DLG2: variants seen among roughly 807,000 people sequenced by gnomAD.
DLG2 encodes the protein discs large MAGUK scaffold protein 2.
DLG2 carries 45 observed loss-of-function variants against 132.5 expected under a neutral mutation model. The observed-to-expected ratio is 0.34, with a 90% CI of 0.27 to 0.44. The LOEUF (loss-of-function observed/expected upper bound fraction) is 0.44. Ranked by LOEUF, DLG2 falls within the 20% of genes least tolerant of loss-of-function variation. The probability of loss-of-function intolerance (pLI) is 1.00; values close to 1 mark genes in which losing one functional copy is unlikely to be tolerated. For synonymous variants in DLG2, 424 were observed against 419.6 expected (o/e 1.01, Z -0.13); for missense variants, 1,045 against 1,196.9 (o/e 0.87, Z 1.87).
chr11:85,584,339 G>GGTGTGTGT (rs61334060), intron 3 of DLG2, among the ~76,000 whole-genome samples: 17 of 144,970 alleles, frequency 1.2e-4, no homozygotes, highest in Non-Finnish European at 2.1e-4. Context: ...AGTATTCCAT[G>GGTGTGTGT]GTGTGTGTGT....
intron 16 of DLG2, among the ~76,000 whole-genome samples, chr11:83,864,890 A>T (rs2062034735): frequency 6.6e-6 from 1 of 152,252 alleles, no homozygotes; most frequent in Admixed American, 6.5e-5. Context: ...AGGCTGACAA[A>T]TGATACCTGA....
At chr11:84,242,345 G>GT (rs950882818) in intron 8 of DLG2, among the ~76,000 whole-genome samples, 22 of 150,876 alleles carry the variant, frequency 1.5e-4, no homozygotes, top group Admixed American at 2.0e-4. Context: ...TCTTCTGTTG[G>GT]TTTTTTTTTG....
At chr11:83,478,800 C>A (rs2092838513) in intron 22 of DLG2, among the ~76,000 whole-genome samples, 1 of 151,974 alleles carries the variant, frequency 6.6e-6, no homozygotes, top group Non-Finnish European at 1.5e-5. Flanking sequence ...AAACTAGTGT[C>A]ATTGGTCTTC....
At chr11:84,309,564 C>T (rs1253012439) in intron 7 of DLG2, among the ~76,000 whole-genome samples, 1 of 152,184 alleles carries the variant, frequency 6.6e-6, no homozygotes, top group Admixed American at 6.5e-5. Flanking sequence ...TACTAAGATT[C>T]CATACAGTTC....
At chr11:84,130,625 T>G (rs2094384859) in intron 9 of DLG2, among the ~76,000 whole-genome samples, 1 of 151,618 alleles carries the variant, frequency 6.6e-6, no homozygotes, top group African/African-American at 2.4e-5. Flanking sequence ...ATGATCGTTC[T>G]TAAGCAGCTA....
intron 7 of DLG2, among the ~76,000 whole-genome samples, chr11:84,389,419 G>C (rs1312258059): frequency 6.6e-6 from 1 of 151,944 alleles, no homozygotes; most frequent in Non-Finnish European, 1.5e-5. Context: ...AGATATTTTT[G>C]TACCTGTAAT....
chr11:85,465,249 C>A (rs1258036295), intron 3 of DLG2, among the ~76,000 whole-genome samples: 2 of 150,988 alleles, frequency 1.3e-5, no homozygotes, highest in East Asian at 3.9e-4. Flanking sequence ...CTCAAGCAAA[C>A]TTCCCACCTC....
At position 84,923,538 on chromosome 11, in the gene DLG2, G is replaced by A. The variant is rs752987040; in HGVS notation, c.357+188123C>T. ...GTTACTTATATTTCTGGAGAGCCCCGGTGTTATCCTATTAAATACTTTACA... is the reference window on the plus strand; with the variant it reads ...GTTACTTATATTTCTGGAGAGCCCCAGTGTTATCCTATTAAATACTTTACA... On this transcript the variant is annotated intron_variant, in intron 6 of 27. Transcript: ENST00000376104. The A allele has an allele frequency of 4.1e-4, 421 of 1,021,924 alleles. 1 individual carries two copies. The highest frequency in any genetic ancestry group is 4.6e-4 in the Non-Finnish European group (390 of 851,192). 63.3% of individuals were successfully genotyped at this position (1,021,924 alleles called of 1,614,324 possible).
At chr11:85,027,255 A>G (rs1319085304) in intron 6 of DLG2, among the ~76,000 whole-genome samples, 1 of 143,886 alleles carries the variant, frequency 6.9e-6, no homozygotes, top group Admixed American at 7.4e-5. Flanking sequence ...AAATACACAT[A>G]TGATATACAC....
In DLG2 at chr11:83,965,357, T is replaced by A; in HGVS notation, c.1168A>T (p.Thr390Ser). The part of the protein sequence containing the change: ...KVGKPTTIYM[T>S]DPYGPPDITH... ...ATATCAGGTGGACCATAAGGATCAG[T>A]CATATAAATGGTAGTGGGTTTGCCA... is the stretch of plus-strand genomic sequence containing the variant. The change falls in exon 13 of 28, where the codon ACT becomes TCT. Residue 390 changes from threonine to serine, a missense_variant. By Grantham distance (58) the Thr-to-Ser change is moderately conservative. Coordinates refer to ENST00000376104, the MANE Select transcript of DLG2 (RefSeq NM_001142699.3). 2 of 1,612,162 alleles carry A rather than the reference T, an allele frequency of 1.2e-6. No individual in the cohort carries two copies. Among genetic ancestry groups the A allele is most frequent in the Non-Finnish European group, 1.7e-6 (2 of 1,178,772 alleles).
At chr11:84,185,200 C>G (rs12802237) in intron 8 of DLG2, among the ~76,000 whole-genome samples, 9,630 of 151,798 alleles carry the variant, frequency 0.063, 377 homozygotes, top group African/African-American at 0.098. Context: ...CTCCTATCCA[C>G]GAGCATGGAA....
intron 19 of DLG2, among the ~76,000 whole-genome samples, chr11:83,573,869 G>A (rs1252794474): frequency 1.3e-5 from 2 of 152,136 alleles, no homozygotes; most frequent in Non-Finnish European, 2.9e-5. Flanking sequence ...CTTCGAGGCA[G>A]TATAACACAT....
intron 6 of DLG2, among the ~76,000 whole-genome samples, chr11:85,017,445 T>C (rs2059669400): frequency 6.6e-6 from 1 of 152,044 alleles, no homozygotes. Flanking sequence ...ATGATGACCT[T>C]CTCTCTGTCA....
At chr11:85,545,103 T>C (rs2076224185) in intron 3 of DLG2, among the ~76,000 whole-genome samples, 1 of 152,208 alleles carries the variant, frequency 6.6e-6, no homozygotes, top group African/African-American at 2.4e-5. Flanking sequence ...TTTTGCCCAT[T>C]CAGTATGATA....
chr11:84,975,318 T>A (rs2154116671), intron 6 of DLG2, among the ~76,000 whole-genome samples: 1 of 152,332 alleles, frequency 6.6e-6, no homozygotes, highest in Non-Finnish European at 1.5e-5. Flanking sequence ...GATGATGCTA[T>A]AAGTTCTAAG....
In DLG2 at chr11:84,869,428, T is replaced by C. The variant is rs150075362; in HGVS notation, c.357+242233A>G. 3.9e-3 allele frequency among the ~76,000 whole-genome samples: 595 copies of C among 152,326 alleles called. 3 individuals carry two copies. Among genetic ancestry groups the C allele is most frequent in the African/African-American group, 0.014 (583 of 41,558 alleles). ...GATGAGTTAAGATAGTTCTGTTTCA[T>C]GCCATTTTTTAAATTAGTGTGGCTC... On this transcript the variant is annotated intron_variant, in intron 6 of 27. Coordinates refer to ENST00000376104, the MANE Select transcript of DLG2 (RefSeq NM_001142699.3).
intron 6 of DLG2, among the ~76,000 whole-genome samples, chr11:84,753,565 T>TC (rs2066462634): frequency 6.6e-6 from 1 of 152,224 alleles, no homozygotes; most frequent in Non-Finnish European, 1.5e-5. Flanking sequence ...TGAAGAATTT[T>TC]ATTTTTATGT....
intron 14 of DLG2, among the ~76,000 whole-genome samples, chr11:83,958,211 G>C (rs1297607294): frequency 6.6e-6 from 1 of 152,198 alleles, no homozygotes; most frequent in Non-Finnish European, 1.5e-5. Flanking sequence ...GACATGGCTA[G>C]TAAGCTAGTG....
intron 18 of DLG2, among the ~76,000 whole-genome samples, chr11:83,785,509 C>G (rs1226507006): frequency 6.6e-6 from 1 of 152,240 alleles, no homozygotes; most frequent in African/African-American, 2.4e-5. Context: ...CTCTTTCCCA[C>G]TCTCTGGCCA....
Sources: allele counts gnomAD v4.1 joint callset (sites outside exome capture counted in the v4.1 genomes callset), GRCh38; gene constraint gnomAD v4.1.1; transcripts MANE v1.5; gene names NCBI Gene and HGNC (gene_info 2026-07-23, HGNC 2026-07-21).